Variants in GRIN2C observed in about 807,000 individuals in gnomAD.
GRIN2C encodes the protein glutamate ionotropic receptor NMDA type subunit 2C.
A neutral mutation model predicts 77.7 loss-of-function variants in GRIN2C; 64 were observed. That is an observed-to-expected ratio of 0.82 (90% CI 0.67 to 1.01). GRIN2C has a LOEUF of 1.01. Among genes scored for constraint, GRIN2C ranks in the 50% least tolerant of loss-of-function variants. The pLI, the probability that GRIN2C is intolerant of heterozygous loss-of-function variation, is 0.00. For missense variants in GRIN2C, 1,549 were observed against 1,486.0 expected, an observed-to-expected ratio of 1.04 and a Z score of -0.70; for synonymous variants, 792 against 643.4, an observed-to-expected ratio of 1.23 and a Z score of -3.49.
At chr17:74,848,078 G>A in intron 7 of GRIN2C, 101 bp from the exon 8 acceptor site, 1 of 1,343,812 alleles carries the variant, frequency 7.4e-7, no homozygotes, top group Non-Finnish European at 1.1e-6. Flanking sequence ...TCAAAGTAGG[G>A]GCCCACCAGC....
chr17:74,843,773 C>G (rs543290464), intron 12 of GRIN2C, among the ~76,000 whole-genome samples: 3 of 152,274 alleles, frequency 2.0e-5, no homozygotes, highest in African/African-American at 4.8e-5. Context: ...TAGCTAGCAC[C>G]TGGCACATGA....
rs561238756 is a variant in GRIN2C, at chr17:74,848,562, T to C, written c.1646-585A>G. On this transcript the variant is annotated intron_variant, in intron 7 of 12. Coordinates refer to ENST00000293190, the MANE Select transcript of GRIN2C (RefSeq NM_000835.6). The stretch of plus-strand genomic sequence containing the variant: ...TAAAAATACAAAAATTAGCCAGGCA[T>C]GGTGACACATGCCTGTAGTCCCAGC... 2.0e-5 allele frequency among the ~76,000 whole-genome samples: 3 copies of C among 152,136 alleles called. No individual in the cohort carries two copies. In the South Asian group the frequency reaches 6.2e-4, roughly 32 times the overall value.
rs764405867 is a variant in GRIN2C at position 74,847,396 on chromosome 17, A to G, written c.1913T>C (p.Ile638Thr). ...GTTGGCCGTGTAGCTGGCGAGGAAG[A>G]TGACAGCAAAGAAGGCCCAGACCAG... ...MVLVWAFFAV[I>T]FLASYTANLA... The change falls in exon 9 of 13, where the codon ATC becomes ACC. Residue 638 changes from isoleucine (I) to threonine (T), a missense_variant. By Grantham distance (89) the Ile-to-Thr change is moderately conservative (BLOSUM62 -1). Coordinates refer to ENST00000293190, the MANE Select transcript of GRIN2C (RefSeq NM_000835.6). The surrounding 1 kb of genome is among the most constrained non-coding windows in gnomAD (Gnocchi z 5.2). 1.9e-6 allele frequency: 3 copies of G among 1,613,838 alleles called. No homozygotes were observed. The highest frequency in any genetic ancestry group is 1.3e-5 in the African/African-American group (1 of 74,820).
chr17:74,845,639 G>C (rs2037432335), intron 11 of GRIN2C, among the ~76,000 whole-genome samples: 1 of 152,120 alleles, frequency 6.6e-6, no homozygotes, highest in Non-Finnish European at 1.5e-5. Flanking sequence ...TTGGGGGCAG[G>C]CTGGGCTGGA....
At position 74,850,367 on chromosome 17, in the gene GRIN2C, C is replaced by T. The variant is rs757807708; in HGVS notation, c.1330G>A (p.Gly444Arg). ...RRQSNHTFSSGDVAPYTKLCC... is the reference protein window; with the variant it reads ...RRQSNHTFSSRDVAPYTKLCC... ...AGCTTGGTGTAGGGGGCCACGTCCCCGCTGCTGCAGCCATGCCGCCATGAG... is the reference window on the plus strand; with the variant it reads ...AGCTTGGTGTAGGGGGCCACGTCCCTGCTGCTGCAGCCATGCCGCCATGAG... Residue 444 changes from glycine to arginine, a missense_variant, in exon 6 of 13, where the codon GGG (glycine) becomes AGG (arginine). Gly to Arg is a moderately radical substitution (Grantham distance 125). This residue lies in a region of GRIN2C where 717 missense variants were observed against 858.1 expected (regional missense o/e 0.84). Transcript: ENST00000293190. This position sits in a 1 kb window ranked among gnomAD's most constrained non-coding sequence, Gnocchi z 5.3. 1.1e-5 allele frequency: 18 copies of T among 1,610,900 alleles called. No individual in the cohort carries two copies. The highest frequency in any genetic ancestry group is 6.7e-5 in the Admixed American group (4 of 59,998).
intron 4 of GRIN2C, 62 bp downstream of exon 4, chr17:74,851,515 C>G (rs971749234): frequency 1.1e-6 from 1 of 923,556 alleles, no homozygotes; most frequent in Non-Finnish European, 1.7e-6. Flanking sequence ...GCTGTGGGCA[C>G]AAGAGGAGGC....
rs2037442674 is a variant in GRIN2C at position 74,845,996 on chromosome 17, G to A, written c.2350+70C>T. 21 of 1,396,014 alleles carry A rather than the reference G, an allele frequency of 1.5e-5. No homozygotes were observed. In the South Asian group the frequency reaches 2.5e-4, roughly 17 times the overall value. 86.5% of individuals were successfully genotyped at this position (1,396,014 alleles called of 1,614,324 possible). A position where few individuals can be genotyped will look rare whatever the true frequency, so the allele number is the denominator to read the frequency against. ...GCTCACAGGCCTTGGGAACTTGAGTGGTGGTGGAAATGCTGACAACCTTGG... is the reference window on the plus strand; with the variant it reads ...GCTCACAGGCCTTGGGAACTTGAGTAGTGGTGGAAATGCTGACAACCTTGG... On this transcript the variant is annotated intron_variant, in intron 11 of 12. Coordinates refer to ENST00000293190, the MANE Select transcript of GRIN2C (RefSeq NM_000835.6).
In GRIN2C at chr17:74,850,556, C is replaced by T; in HGVS notation, c.1325G>A (p.Ser442Asn). ...TAGCCTCCCAGGGCCCTCCACAGAC[C>T]TGAAGGTGTGGTTGCTCTGCCTGCG... is the stretch of plus-strand genomic sequence containing the variant. ...PCRRQSNHTF[S>N]SGDVAPYTKL... Residue 442 changes from serine to asparagine, a missense_variant and splice_region_variant, in exon 5 of 13, where the codon AGC (serine) becomes AAC (asparagine). Physicochemically the swap from Ser to Asn is conservative, Grantham distance 46 (BLOSUM62 1). This residue lies in a region of GRIN2C where 717 missense variants were observed against 858.1 expected (regional missense o/e 0.84). Transcript: ENST00000293190. This position sits in a 1 kb window ranked among gnomAD's most constrained non-coding sequence, Gnocchi z 5.3. The T allele has an allele frequency of 6.2e-7, 1 of 1,613,498 alleles. No individual in the cohort carries two copies. Among genetic ancestry groups the T allele is most frequent in the Non-Finnish European group, 8.5e-7 (1 of 1,179,820 alleles).
rs770931049 is a variant in GRIN2C at position 74,855,048 on chromosome 17, G to A, written c.45C>T (p.Phe15=). 4.4e-5 allele frequency: 70 copies of A among 1,597,944 alleles called. No homozygotes were observed. Among genetic ancestry groups the A allele is most frequent in the Middle Eastern group, 3.4e-4 (2 of 5,920 alleles). The part of the protein sequence containing the change: ...LGPALLLTSL[F]GAWAGLGPGQ... ...CCGGACCCAGCCCTGCCCAGGCACC[G>A]AAGAGCGAGGTGAGCAACAGGGCCG... The change falls in exon 2 of 13, where the codon TTC becomes TTT. Residue 15 remains phenylalanine (F), a synonymous_variant. Transcript: ENST00000293190.
chr17:74,856,469 TTC>T (rs1216727280), intron 1 of GRIN2C, among the ~76,000 whole-genome samples: 3 of 136,996 alleles, frequency 2.2e-5, no homozygotes, highest in South Asian at 5.0e-4. Flanking sequence ...GCCACCAAAT[TTC>T]TCTCTCTCTC....
rs748549488 is a variant in GRIN2C at position 74,846,873 on chromosome 17, C to T, written c.2049G>A (p.Val683=). ...DQYPPFRFGT[V]PNGSTERNIR... ...TGTTCCGCTCCGTGCTGCCGTTGGGCACCGTGCCGAAGCGGAAAGGTGGGT... is the reference window on the plus strand; with the variant it reads ...TGTTCCGCTCCGTGCTGCCGTTGGGTACCGTGCCGAAGCGGAAAGGTGGGT... The change falls in exon 10 of 13, where the codon GTG becomes GTA. Residue 683 remains valine (V), a synonymous_variant. Coordinates refer to ENST00000293190, the MANE Select transcript of GRIN2C (RefSeq NM_000835.6). This position sits in a 1 kb window ranked among gnomAD's most constrained non-coding sequence, Gnocchi z 4.4. 1.9e-6 allele frequency: 3 copies of T among 1,614,106 alleles called. No individual in the cohort carries two copies. The highest frequency in any genetic ancestry group is 2.2e-5 in the East Asian group (1 of 44,884).
At chr17:74,851,399 C>T (rs951592681) in intron 4 of GRIN2C, 178 bp downstream of exon 4, 5 of 579,144 alleles carry the variant, frequency 8.6e-6, no homozygotes, top group Admixed American at 3.0e-5. Context: ...CAGGGCACCT[C>T]ACCCACCCCG....
In GRIN2C at chr17:74,843,377, G is replaced by C; in HGVS notation, c.2760C>G (p.Ile920Met). The part of the protein sequence containing the change: ...SSSLDRATRT[I>M]ENWGGGRRAP... ...CACGGCGGCCGCCACCCCAATTCTC[G>C]ATGGTGCGAGTGGCGCGGTCCAGGG... Residue 920 changes from isoleucine (I) to methionine (M), a missense_variant, in exon 13 of 13, where the codon ATC becomes ATG. Ile to Met is a conservative substitution (Grantham distance 10). This residue lies in a region of GRIN2C where 450 missense variants were observed against 267.9 expected (regional missense o/e 1.68). Transcript: ENST00000293190. 1 of 1,531,338 alleles carries C rather than the reference G, an allele frequency of 6.5e-7. No homozygotes were observed. Among genetic ancestry groups the C allele is most frequent in the Non-Finnish European group, 8.7e-7 (1 of 1,143,572 alleles). The allele number at this position is 1,531,338 out of a possible 1,614,324, so 94.9% of individuals were successfully genotyped here.
Position 74,843,434 on chromosome 17 carries a change from G to C in GRIN2C, c.2703C>G (p.Arg901=). The C allele has an allele frequency of 6.5e-7, 1 of 1,535,832 alleles. No individual in the cohort carries two copies. Among genetic ancestry groups the C allele is most frequent in the Non-Finnish European group, 8.7e-7 (1 of 1,146,222 alleles). The part of the protein sequence containing the change: ...ASVLKMLQAA[R]DMVTTAGVSS... ...TTACGCCCGCCGTGGTCACCATGTC[G>C]CGGGCTGCCTGCAGCATCTTGAGCA... Residue 901 remains arginine, a synonymous_variant, in exon 13 of 13, where the codon CGC becomes CGG. Transcript: ENST00000293190.
rs117669686 is a variant in GRIN2C at position 74,856,161 on chromosome 17, A to G, written c.-15-1054T>C. Reference sequence around the variant, plus strand: ...ACAAAGCCTGAGTGGAGTGGTGCCCACGGATGTCACTCTCCCTCCCAGCTG... The same window carrying G: ...ACAAAGCCTGAGTGGAGTGGTGCCCGCGGATGTCACTCTCCCTCCCAGCTG... On this transcript the variant is annotated intron_variant, in intron 1 of 12. Transcript: ENST00000293190. Among the ~76,000 whole-genome samples the G allele has an allele frequency of 3.4e-3, 525 of 152,224 alleles. 3 individuals carry two copies. The highest frequency in any genetic ancestry group is 5.4e-3 in the Non-Finnish European group (370 of 67,978).
rs2037308929 is a variant in GRIN2C, at chr17:74,842,360, A to C, written c.*75T>G. The C allele has an allele frequency of 4.3e-6, 3 of 702,316 alleles. No homozygotes were observed. The highest frequency in any genetic ancestry group is 5.2e-6 in the Non-Finnish European group (2 of 381,590). 43.5% of individuals were successfully genotyped at this position (702,316 alleles called of 1,614,324 possible). The stretch of plus-strand genomic sequence containing the variant: ...TTCATGGCAGAAGCCAGAAAAGCCC[A>C]ATCCTGCCTGCCGCTTAACCCTGAC... On this transcript the variant is annotated 3_prime_UTR_variant, in exon 13 of 13. Coordinates refer to ENST00000293190, the MANE Select transcript of GRIN2C (RefSeq NM_000835.6).
At chr17:74,858,565 C>T (rs2037877583) in intron 1 of GRIN2C, among the ~76,000 whole-genome samples, 1 of 151,242 alleles carries the variant, frequency 6.6e-6, no homozygotes. Context: ...GGACAAACTC[C>T]ACTTTCCCCC....
chr17:74,844,363 G>C lies in GRIN2C; in HGVS notation c.2496C>G (p.Val832=). 6.2e-7 allele frequency: 1 copy of C among 1,614,188 alleles called. No individual in the cohort carries two copies. The highest frequency in any genetic ancestry group is 8.5e-7 in the Non-Finnish European group (1 of 1,180,046). ...AGTAGACCAGGTGCTCCCAGGCGAA[G>C]ACCAGCAGGGCCAGCCCCATGGCCA... ...LLVAMGLALL[V]FAWEHLVYWK... is the part of the protein sequence containing the mutation. Residue 832 remains valine, a synonymous_variant, in exon 12 of 13, where the codon GTC becomes GTG. Coordinates refer to ENST00000293190, the MANE Select transcript of GRIN2C (RefSeq NM_000835.6).
chr17:74,842,704 G>A lies in GRIN2C; in HGVS notation c.3433C>T (p.His1145Tyr), dbSNP rs973634051. 1.4e-6 allele frequency: 1 copy of A among 719,176 alleles called. No individual in the cohort carries two copies. The highest frequency in any genetic ancestry group is 2.6e-6 in the Non-Finnish European group (1 of 387,086). The allele number at this position is 719,176 out of a possible 1,614,324, so 44.5% of individuals were successfully genotyped here. A position where few individuals can be genotyped will look rare whatever the true frequency, so the allele number is the denominator to read the frequency against. Residue 1145 changes from histidine to tyrosine, a missense_variant, in exon 13 of 13, where the codon CAC becomes TAC. Coordinates refer to ENST00000293190, the MANE Select transcript of GRIN2C (RefSeq NM_000835.6). ...GEQAGAPAWQHRQHVCLHAHA... is the reference protein window; with the variant it reads ...GEQAGAPAWQYRQHVCLHAHA... ...GCGTGCAGGCAGACGTGCTGTCTGT[G>A]CTGCCAGGCGGGGGCCCCTGCCTGC...
Sources: allele counts gnomAD v4.1 joint callset (sites outside exome capture counted in the v4.1 genomes callset), GRCh38; gene constraint gnomAD v4.1.1; regional missense constraint gnomAD v4.1.1; non-coding constraint Gnocchi (gnomAD v3.1); transcripts MANE v1.5; gene names NCBI Gene and HGNC (gene_info 2026-07-23, HGNC 2026-07-21).